Variants in C5orf63 observed in about 807,000 individuals in gnomAD.
The protein encoded by C5orf63 is chromosome 5 open reading frame 63.
In C5orf63, 18 loss-of-function variants were observed where a neutral mutation model predicts 13.3. The observed-to-expected ratio is 1.36, with a 90% CI of 0.94 to 2.01. The LOEUF (loss-of-function observed/expected upper bound fraction) is 2.01. Ranked by LOEUF, C5orf63 falls within the 30% of genes most tolerant of loss-of-function variation. C5orf63 has a pLI of 0.00. For missense variants in C5orf63, 118 were observed against 127.7 expected (o/e 0.92, Z 0.36); for synonymous variants, 38 against 44.7 (o/e 0.85, Z 0.60).
chr5:127,058,616 C>G, intron 3 of C5orf63: 1 of 313,104 alleles, frequency 3.2e-6, no homozygotes, highest in Non-Finnish European at 5.8e-6. Context: ...CTAAATGATA[C>G]ATTTTTAAAC....
At chr5:127,064,986 T>C (rs1218918475) in intron 2 of C5orf63, among the ~76,000 whole-genome samples, 1 of 152,138 alleles carries the variant, frequency 6.6e-6, no homozygotes, top group Non-Finnish European at 1.5e-5. Context: ...ATTAAGCCAT[T>C]AATTTTTTTT....
At chr5:127,072,825 AGCT>A (rs1424443003) in intron 1 of C5orf63, among the ~76,000 whole-genome samples, 5 of 152,204 alleles carry the variant, frequency 3.3e-5, no homozygotes, top group Non-Finnish European at 5.9e-5. Flanking sequence ...AAACTGTATG[AGCT>A]GCTATTTGTC....
chr5:127,045,335 A>G (rs1024710329), exon 5 of C5orf63: 1 of 152,206 alleles, frequency 6.6e-6, no homozygotes, highest in African/African-American at 2.4e-5. Context: ...TATAGGGGAT[A>G]ATCTGTTTTC....
At chr5:127,070,230 G>A (rs1754486268) in intron 2 of C5orf63, among the ~76,000 whole-genome samples, 1 of 152,096 alleles carries the variant, frequency 6.6e-6, no homozygotes, top group Non-Finnish European at 1.5e-5. Flanking sequence ...TGAATTTACT[G>A]AGTTTTCTAT....
chr5:127,056,664 G>C (rs909192704), intron 3 of C5orf63, among the ~76,000 whole-genome samples: 4 of 152,192 alleles, frequency 2.6e-5, no homozygotes, highest in Admixed American at 2.0e-4. Flanking sequence ...TGGGGACACA[G>C]AGCCAAACCA....
intron 1 of C5orf63, among the ~76,000 whole-genome samples, chr5:127,072,785 G>A (rs1754599699): frequency 6.6e-6 from 1 of 152,166 alleles, no homozygotes; most frequent in Admixed American, 6.5e-5. Context: ...ACATTTTAGT[G>A]GGGACTTTTC....
At chr5:127,053,614 T>C (rs549140014) in intron 3 of C5orf63, among the ~76,000 whole-genome samples, 118 of 152,248 alleles carry the variant, frequency 7.8e-4, no homozygotes, top group Non-Finnish European at 1.4e-3. Flanking sequence ...CCCCGGTGTG[T>C]GATGTTCCAC....
intron 3 of C5orf63, among the ~76,000 whole-genome samples, 162 bp from the exon 4 acceptor site, chr5:127,052,831 C>T (rs1446769721): frequency 1.3e-5 from 2 of 152,164 alleles, no homozygotes; most frequent in Non-Finnish European, 2.9e-5. Context: ...TAAAACACTA[C>T]CATAGAATCT....
chr5:127,070,305 T>A (rs974798644), intron 2 of C5orf63, among the ~76,000 whole-genome samples: 1 of 152,170 alleles, frequency 6.6e-6, no homozygotes, highest in African/African-American at 2.4e-5. Flanking sequence ...ACAAAGAGTT[T>A]TAAAAAAATC....
At chr5:127,044,516 A>AG (rs1753478612), downstream of C5orf63, 1 of 152,136 alleles carries the variant, frequency 6.6e-6, no homozygotes. Flanking sequence ...TTATGTCTCC[A>AG]TGCTCAACAT....
downstream of C5orf63, chr5:127,044,800 G>T (rs1285834854): frequency 4.3e-5 from 6 of 141,084 alleles, no homozygotes; most frequent in African/African-American, 1.3e-4. Context: ...TTTTTCTGGA[G>T]AACGGGGTCT....
At chr5:127,064,701 G>T (rs1754254799) in intron 2 of C5orf63, among the ~76,000 whole-genome samples, 1 of 152,190 alleles carries the variant, frequency 6.6e-6, no homozygotes, top group African/African-American at 2.4e-5. Flanking sequence ...CTCCAGAAAG[G>T]ATTGGTCACA....
intron 3 of C5orf63, among the ~76,000 whole-genome samples, chr5:127,057,025 T>G (rs1209397507): frequency 6.6e-6 from 1 of 152,190 alleles, no homozygotes; most frequent in African/African-American, 2.4e-5. Flanking sequence ...CTATATAAAC[T>G]GCTGCCCAAA....
chr5:127,047,772 TC>T, downstream of C5orf63: 1 of 703,962 alleles, frequency 1.4e-6, no homozygotes, highest in Non-Finnish European at 2.6e-6. Flanking sequence ...GTGCATCTAA[TC>T]CCATGTCATA....
chr5:127,073,196 T>TA (rs113791040), intron 1 of C5orf63: 10,837 of 138,748 alleles, frequency 0.078, 427 homozygotes, highest in African/African-American at 0.091. Flanking sequence ...TGCTTTCTCT[T>TA]AAAAAAAAAA....
intron 3 of C5orf63, among the ~76,000 whole-genome samples, chr5:127,056,667 C>A (rs967540645): frequency 6.6e-6 from 1 of 152,130 alleles, no homozygotes; most frequent in African/African-American, 2.4e-5. Flanking sequence ...GGACACAGAG[C>A]CAAACCATAT....
At chr5:127,050,143 T>C (rs1189034990), downstream of C5orf63, among the ~76,000 whole-genome samples, 2 of 152,170 alleles carry the variant, frequency 1.3e-5, no homozygotes, top group African/African-American at 4.8e-5. Context: ...AATTTCCCTT[T>C]TGCCATATAA....
intron 3 of C5orf63, among the ~76,000 whole-genome samples, chr5:127,058,134 A>G (rs996737771): frequency 2.6e-5 from 4 of 152,122 alleles, no homozygotes; most frequent in Admixed American, 2.0e-4. Flanking sequence ...TTTGGTGTAC[A>G]AATGATTTCA....
intron 2 of C5orf63, 35 bp from the exon 3 acceptor site, chr5:127,059,037 G>T: frequency 2.4e-6 from 3 of 1,238,802 alleles, no homozygotes; most frequent in Non-Finnish European, 3.4e-6. Flanking sequence ...AAACTTATGT[G>T]CCCTAGACTT....
Sources: gnomAD v4.1 joint callset for allele counts (sites outside exome capture counted in the v4.1 genomes callset) on GRCh38, gnomAD v4.1.1 for gene constraint, MANE v1.5 for transcripts, NCBI Gene and HGNC (gene_info 2026-07-23, HGNC 2026-07-21) for gene names.